The following RUVBL1 variants were observed in gnomAD, a reference collection of about 807,000 sequenced individuals.
RUVBL1 encodes RuvB like AAA ATPase 1.
In RUVBL1, 4 loss-of-function variants were observed where a neutral mutation model predicts 52.4. That is an observed-to-expected ratio of 0.08 (90% CI 0.04 to 0.17). RUVBL1 has a LOEUF of 0.17. RUVBL1 is among the 10% of genes least tolerant of loss of function. The probability of loss-of-function intolerance (pLI) is 1.00; values close to 1 mark genes in which losing one functional copy is unlikely to be tolerated. For missense variants in RUVBL1, 298 were observed against 572.8 expected (o/e 0.52, Z 4.90); for synonymous variants, 217 against 214.4 (o/e 1.01, Z -0.10).
chr3:128,110,706 G>A (rs1342269035), intron 3 of RUVBL1, among the ~76,000 whole-genome samples: 1 of 152,034 alleles, frequency 6.6e-6, no homozygotes, highest in African/African-American at 2.4e-5. Flanking sequence ...ATGCTTATGG[G>A]GACCTGGTCA....
At chr3:128,135,929 T>C (rs769615679) in intron 1 of RUVBL1, among the ~76,000 whole-genome samples, 1 of 152,144 alleles carries the variant, frequency 6.6e-6, no homozygotes, top group Non-Finnish European at 1.5e-5. Context: ...ATAAGATATA[T>C]ATCATAGAAA....
rs143414303 is a variant in RUVBL1, at chr3:128,067,447, T to G, written c.940-2227A>C. On this transcript the variant is annotated intron_variant, in intron 9 of 9. Coordinates refer to the RUVBL1 transcript ENST00000464873. This position sits in a 1 kb window ranked among gnomAD's most constrained non-coding sequence, Gnocchi z 4.1. The stretch of plus-strand genomic sequence containing the variant: ...ACACGTCTTCTGGGGGCCCAGCACG[T>G]GCTTATCCAGTTGGTGGCCTTTGCT... The G allele has an allele frequency of 6.6e-4, 1,059 of 1,613,944 alleles. 1 individual carries two copies. Among genetic ancestry groups the G allele is most frequent in the Non-Finnish European group, 8.8e-4 (1,033 of 1,180,004 alleles).
At chr3:128,107,960 C>T (rs981288451) in intron 3 of RUVBL1, among the ~76,000 whole-genome samples, 2 of 152,204 alleles carry the variant, frequency 1.3e-5, no homozygotes, top group Admixed American at 1.3e-4. Context: ...CACTAGCCCC[C>T]ACATTTGTTT....
chr3:128,097,898 G>C (rs2107687538), intron 7 of RUVBL1, among the ~76,000 whole-genome samples: 1 of 152,270 alleles, frequency 6.6e-6, no homozygotes, highest in East Asian at 1.9e-4. Flanking sequence ...GGTGAAATGA[G>C]TTTTCACATG....
chr3:128,152,291 G>A (rs1944231905), intron 1 of RUVBL1, among the ~76,000 whole-genome samples: 1 of 152,182 alleles, frequency 6.6e-6, no homozygotes, highest in Non-Finnish European at 1.5e-5. Flanking sequence ...CCTCTCCTAA[G>A]CCCAGGCTAC....
intron 1 of RUVBL1, among the ~76,000 whole-genome samples, chr3:128,143,701 CT>C (rs1421315094): frequency 1.3e-5 from 2 of 152,156 alleles, no homozygotes; most frequent in African/African-American, 4.8e-5. Context: ...TTGGCTGTGA[CT>C]AGGCCAACTT....
At chr3:128,074,866 C>A (rs1250783047) in intron 9 of RUVBL1, among the ~76,000 whole-genome samples, 193 of 107,072 alleles carry the variant, frequency 1.8e-3, no homozygotes, top group South Asian at 2.6e-3. Flanking sequence ...AAAAAAAAAA[C>A]TTAAAAAACC....
At position 128,067,591 on chromosome 3, in the gene RUVBL1, C is replaced by T. The variant is rs1326786087; in HGVS notation, c.940-2371G>A. ...TCTTCTCCAAAACGTGGATTGAGGTCTCAGGTTCCTCTGCCAAAGATGTAA... is the reference window on the plus strand; with the variant it reads ...TCTTCTCCAAAACGTGGATTGAGGTTTCAGGTTCCTCTGCCAAAGATGTAA... On this transcript the variant is annotated intron_variant, in intron 9 of 9. Transcript: ENST00000464873. This position sits in a 1 kb window ranked among gnomAD's most constrained non-coding sequence, Gnocchi z 4.1. 2 of 1,610,600 alleles carry T rather than the reference C, an allele frequency of 1.2e-6. No homozygotes were observed. Among genetic ancestry groups the T allele is most frequent in the African/African-American group, 1.3e-5 (1 of 74,702 alleles).
At chr3:128,066,731 T>G in intron 9 of RUVBL1, 3 of 572,978 alleles carry the variant, frequency 5.2e-6, no homozygotes, top group Admixed American at 3.2e-5. Context: ...GCCTTCAGTG[T>G]ATTTTTAAAC....
chr3:128,098,855 G>A (rs1559815529), intron 7 of RUVBL1, 27 bp downstream of exon 7: 1 of 1,608,180 alleles, frequency 6.2e-7, no homozygotes, highest in Admixed American at 1.7e-5. Flanking sequence ...CCTGCCCCTT[G>A]CTCACAGGGC....
At position 128,113,006 on chromosome 3, in the gene RUVBL1, C is replaced by A. The variant is rs745736819; in HGVS notation, c.243G>T (p.Leu81=). Residue 81 remains leucine (L), a synonymous_variant, in exon 3 of 11, where the codon CTG becomes CTT. Coordinates refer to ENST00000322623, the MANE Select transcript of RUVBL1 (RefSeq NM_003707.3). Reference sequence around the variant, plus strand: ...TACTACCCAGCTCCTGAGCAATAGCCAGAGCCAGAGCTGTCTACAAAAGAA... The same window carrying A: ...TACTACCCAGCTCCTGAGCAATAGCAAGAGCCAGAGCTGTCTACAAAAGAA... The part of the protein sequence containing the change: ...PPGTGKTALA[L]AIAQELGSKV... 1 of 1,613,896 alleles carries A rather than the reference C, an allele frequency of 6.2e-7. No individual in the cohort carries two copies. Among genetic ancestry groups the A allele is most frequent in the South Asian group, 1.1e-5 (1 of 91,016 alleles).
At chr3:128,099,428 A>G (rs995230447) in intron 6 of RUVBL1, among the ~76,000 whole-genome samples, 1 of 152,222 alleles carries the variant, frequency 6.6e-6, no homozygotes. Context: ...TTGGGGACAC[A>G]TGGACTATAA....
At chr3:128,116,132 G>C (rs150418041) in intron 2 of RUVBL1, among the ~76,000 whole-genome samples, 1 of 151,920 alleles carries the variant, frequency 6.6e-6, no homozygotes, top group African/African-American at 2.4e-5. Flanking sequence ...CTGGGCGACA[G>C]ACTGAAACTG....
At chr3:128,097,973 G>A (rs191873822) in intron 7 of RUVBL1, among the ~76,000 whole-genome samples, 3 of 152,140 alleles carry the variant, frequency 2.0e-5, no homozygotes, top group African/African-American at 7.2e-5. Flanking sequence ...CAATGCTTAG[G>A]TTAATTAACT....
At chr3:128,121,647 T>C (rs1328169440) in intron 1 of RUVBL1, among the ~76,000 whole-genome samples, 1 of 145,084 alleles carries the variant, frequency 6.9e-6, no homozygotes. Flanking sequence ...GAGGCAGAGG[T>C]TGCAGTGAGC....
At chr3:128,118,026 G>T (rs1943565581) in intron 2 of RUVBL1, among the ~76,000 whole-genome samples, 1 of 152,038 alleles carries the variant, frequency 6.6e-6, no homozygotes, top group African/African-American at 2.4e-5. Context: ...CAAAACAAGG[G>T]CAACATAATG....
At chr3:128,090,820 G>A (rs1425654379) in intron 8 of RUVBL1, among the ~76,000 whole-genome samples, 1 of 151,874 alleles carries the variant, frequency 6.6e-6, no homozygotes, top group Non-Finnish European at 1.5e-5. Flanking sequence ...GTAATTTTGA[G>A]GAAATCCTAA....
chr3:128,131,323 A>G (rs1484943472), intron 1 of RUVBL1, among the ~76,000 whole-genome samples: 2 of 152,084 alleles, frequency 1.3e-5, no homozygotes, highest in African/African-American at 2.4e-5. Flanking sequence ...TACTAAAAAT[A>G]CAAAAACTAT....
intron 9 of RUVBL1, among the ~76,000 whole-genome samples, chr3:128,074,680 TA>T (rs917147015): frequency 5.3e-5 from 8 of 151,794 alleles, no homozygotes; most frequent in Admixed American, 5.3e-4. Flanking sequence ...CCATCTCTAC[TA>T]AAAACACAAA....
Sources: allele counts gnomAD v4.1 joint callset (sites outside exome capture counted in the v4.1 genomes callset), GRCh38; gene constraint gnomAD v4.1.1; non-coding constraint Gnocchi (gnomAD v3.1); transcripts MANE v1.5; gene names NCBI Gene and HGNC (gene_info 2026-07-23, HGNC 2026-07-21).